Variants in EXOC6 observed in about 807,000 individuals in gnomAD.
EXOC6 encodes SEC15-like 1.
EXOC6 carries 60 observed loss-of-function variants against 112.5 expected under a neutral mutation model. The ratio of observed to expected loss-of-function variants is 0.53; its 90% CI spans 0.43 to 0.66. The LOEUF (loss-of-function observed/expected upper bound fraction) is 0.66. Ranked by LOEUF, EXOC6 falls within the 30% of genes least tolerant of loss-of-function variation. The pLI, the probability that EXOC6 is intolerant of heterozygous loss-of-function variation, is 0.00. For synonymous variants in EXOC6, 295 were observed against 308.0 expected, an observed-to-expected ratio of 0.96 and a Z score of 0.44; for missense variants, 855 against 957.1, an observed-to-expected ratio of 0.89 and a Z score of 1.41.
chr10:92,915,863 G>C lies in EXOC6; in HGVS notation c.769G>C (p.Glu257Gln). The change falls in exon 7 of 22, where the codon GAA becomes CAA. Residue 257 changes from glutamate (E) to glutamine (Q), a missense_variant. This residue lies in a region of EXOC6 where 405 missense variants were observed against 393.6 expected (regional missense o/e 1.03). Coordinates refer to ENST00000260762, the MANE Select transcript of EXOC6 (RefSeq NM_019053.6). ...TGATAGAATTCCAGAGGAAAGGAAT[G>C]AAACTGTATTGAAACATTCACTTGA... is the stretch of plus-strand genomic sequence containing the variant. The part of the protein sequence containing the change: ...NRDRIPEERN[E>Q]TVLKHSLEEE... 6.4e-7 allele frequency: 1 copy of C among 1,553,248 alleles called. No individual in the cohort carries two copies. Among genetic ancestry groups the C allele is most frequent in the Non-Finnish European group, 8.6e-7 (1 of 1,159,294 alleles).
intron 13 of EXOC6, among the ~76,000 whole-genome samples, chr10:92,947,346 A>G (rs989800447): frequency 3.3e-5 from 5 of 152,240 alleles, no homozygotes; most frequent in African/African-American, 1.2e-4. Flanking sequence ...TTAAACTCAA[A>G]GCAACACATG....
intron 1 of EXOC6, among the ~76,000 whole-genome samples, chr10:92,880,667 G>A (rs1848917729): frequency 4.6e-5 from 7 of 152,088 alleles, no homozygotes; most frequent in African/African-American, 1.7e-4. Context: ...AAAAAAAATG[G>A]GAAAATTTCT....
At chr10:92,994,718 A>G (rs1168837617) in intron 18 of EXOC6, among the ~76,000 whole-genome samples, 1 of 152,032 alleles carries the variant, frequency 6.6e-6, no homozygotes, top group Non-Finnish European at 1.5e-5. Flanking sequence ...TTGTAAAAGT[A>G]CTCAGACTAT....
chr10:92,911,214 T>C (rs933521096), intron 6 of EXOC6, among the ~76,000 whole-genome samples: 6 of 152,230 alleles, frequency 3.9e-5, no homozygotes, highest in African/African-American at 1.4e-4. Flanking sequence ...TGCGTGATTT[T>C]TTTTTCCCCC....
intron 19 of EXOC6, among the ~76,000 whole-genome samples, chr10:93,011,350 G>C (rs144572489): frequency 0.01 from 1,578 of 151,954 alleles, 31 homozygotes; most frequent in African/African-American, 0.036. Flanking sequence ...TCAACCTCCT[G>C]GGCTTAAGTG....
At chr10:93,015,746 G>GAC (rs1844481592) in intron 20 of EXOC6, among the ~76,000 whole-genome samples, 2 of 151,476 alleles carry the variant, frequency 1.3e-5, no homozygotes, top group Admixed American at 1.3e-4. Context: ...AAAAAAAAAA[G>GAC]ACAATGAGTC....
chr10:92,896,971 G>T (rs1564810792), intron 4 of EXOC6, among the ~76,000 whole-genome samples: 1 of 152,226 alleles, frequency 6.6e-6, no homozygotes, highest in East Asian at 1.9e-4. Context: ...TAAATAAAAT[G>T]TTGGCTTATT....
intron 1 of EXOC6, among the ~76,000 whole-genome samples, chr10:92,837,957 A>T (rs561653325): frequency 5.3e-5 from 8 of 152,202 alleles, no homozygotes; most frequent in Non-Finnish European, 1.0e-4. Flanking sequence ...AAAATCCTGA[A>T]CTCTGTTAGC....
intron 5 of EXOC6, among the ~76,000 whole-genome samples, chr10:92,903,793 A>G (rs1204388406): frequency 2.6e-5 from 4 of 152,048 alleles, no homozygotes; most frequent in African/African-American, 9.7e-5. Flanking sequence ...TGATGAACCA[A>G]TATTGACACA....
intron 4 of EXOC6, among the ~76,000 whole-genome samples, chr10:92,896,892 T>G (rs1849858928): frequency 6.6e-6 from 1 of 152,160 alleles, no homozygotes; most frequent in Non-Finnish European, 1.5e-5. Flanking sequence ...TTCTTTTTTT[T>G]TAGAATCAAT....
At chr10:93,005,672 T>A (rs1843944352) in intron 19 of EXOC6, among the ~76,000 whole-genome samples, 1 of 152,178 alleles carries the variant, frequency 6.6e-6, no homozygotes, top group Admixed American at 6.6e-5. Flanking sequence ...AATACATTTT[T>A]AAATTCATTC....
intron 19 of EXOC6, among the ~76,000 whole-genome samples, chr10:93,012,236 G>A (rs1482604678): frequency 6.6e-6 from 1 of 152,158 alleles, no homozygotes; most frequent in African/African-American, 2.4e-5. Context: ...TGCTCAAGAA[G>A]AGTAAAGATA....
intron 5 of EXOC6, chr10:92,900,455 A>G (rs567042076): frequency 1.1e-4 from 17 of 152,302 alleles, no homozygotes; most frequent in African/African-American, 4.1e-4. Flanking sequence ...GTCCTGCTTC[A>G]TTGTGCTACA....
At chr10:92,896,175 A>T (rs1405033299) in intron 4 of EXOC6, among the ~76,000 whole-genome samples, 1 of 20,512 alleles carries the variant, frequency 4.9e-5, no homozygotes, top group African/African-American at 2.0e-4. Flanking sequence ...ATATATATAT[A>T]TATATATTTT....
At chr10:92,958,572 T>C (rs1853818686) in intron 17 of EXOC6, among the ~76,000 whole-genome samples, 1 of 152,220 alleles carries the variant, frequency 6.6e-6, no homozygotes, top group African/African-American at 2.4e-5. Context: ...CTTTAAGGGC[T>C]TGAAATTCTC....
chr10:92,845,408 C>T (rs1232723185), upstream of EXOC6, among the ~76,000 whole-genome samples: 6 of 151,788 alleles, frequency 4.0e-5, no homozygotes, highest in African/African-American at 1.5e-4. Flanking sequence ...CAAAAATTAG[C>T]TGGATGTGGT....
chr10:92,907,304 G>A (rs1850497581), intron 5 of EXOC6, among the ~76,000 whole-genome samples: 3 of 152,160 alleles, frequency 2.0e-5, no homozygotes, highest in Admixed American at 2.0e-4. Flanking sequence ...TTCCCTCCAG[G>A]AAGAGGAAAG....
chr10:92,837,285 ATACT>A (rs994025500), intron 1 of EXOC6, among the ~76,000 whole-genome samples: 7 of 152,182 alleles, frequency 4.6e-5, no homozygotes, highest in Non-Finnish European at 8.8e-5. Flanking sequence ...GGTGACGAAA[ATACT>A]TACCTTTCTA....
intron 13 of EXOC6, among the ~76,000 whole-genome samples, chr10:92,941,866 C>A (rs1413927964): frequency 6.6e-6 from 1 of 152,152 alleles, no homozygotes; most frequent in Non-Finnish European, 1.5e-5. Flanking sequence ...GTTTTCCTCC[C>A]TCCCTTCTTT....
Sources: allele counts gnomAD v4.1 joint callset (sites outside exome capture counted in the v4.1 genomes callset), GRCh38; gene constraint gnomAD v4.1.1; regional missense constraint gnomAD v4.1.1; transcripts MANE v1.5; gene names NCBI Gene and HGNC (gene_info 2026-07-23, HGNC 2026-07-21).